Variants in ADAM12 observed in about 807,000 individuals in gnomAD.
ADAM12 encodes the protein disintegrin and metalloproteinase domain-containing protein 12.
Under a neutral mutation model 106.4 loss-of-function variants are expected in ADAM12, and 70 were observed. The observed-to-expected ratio is 0.66, with a 90% CI of 0.54 to 0.80. The LOEUF (loss-of-function observed/expected upper bound fraction) is 0.80. Among genes scored for constraint, ADAM12 ranks in the 30% least tolerant of loss-of-function variants. ADAM12 has a pLI of 0.00. For missense variants in ADAM12, 1,010 were observed against 1,171.9 expected, an observed-to-expected ratio of 0.86 and a Z score of 2.02; for synonymous variants, 420 against 433.5, an observed-to-expected ratio of 0.97 and a Z score of 0.39.
chr10:126,249,440 C>T (rs1007997755), intron 3 of ADAM12, among the ~76,000 whole-genome samples: 1 of 152,250 alleles, frequency 6.6e-6, no homozygotes, highest in Non-Finnish European at 1.5e-5. Flanking sequence ...TGGCTCATGC[C>T]TGTAATCCCA....
chr10:126,043,758 G>C lies in ADAM12; in HGVS notation c.1996-610C>G, dbSNP rs1425351977. On this transcript the variant is annotated intron_variant, in intron 17 of 22. Coordinates refer to ENST00000448723, the MANE Select transcript of ADAM12 (RefSeq NM_001288973.2). This position sits in a 1 kb window ranked among gnomAD's most constrained non-coding sequence, Gnocchi z 4.1. The stretch of plus-strand genomic sequence containing the variant: ...AAGCCTGTCCCCGTGTGTCCTTCCT[G>C]CAACGCCTGCCTCCTTCTTGCAGAG... Among the ~76,000 whole-genome samples the C allele has an allele frequency of 6.6e-6, 1 of 152,248 alleles. No homozygotes were observed. Among genetic ancestry groups the C allele is most frequent in the Non-Finnish European group, 1.5e-5 (1 of 68,044 alleles).
chr10:126,311,934 C>T (rs928979122), intron 2 of ADAM12, among the ~76,000 whole-genome samples: 2 of 152,010 alleles, frequency 1.3e-5, no homozygotes, highest in African/African-American at 4.8e-5. Context: ...GTCATGGGAC[C>T]CCTTCACTTG....
chr10:126,257,341 G>C (rs910379840), intron 3 of ADAM12, among the ~76,000 whole-genome samples: 1 of 152,196 alleles, frequency 6.6e-6, no homozygotes, highest in Admixed American at 6.5e-5. Context: ...TCTGTTCTGC[G>C]ATCAAAATGT....
intron 3 of ADAM12, among the ~76,000 whole-genome samples, chr10:126,206,861 G>GGTT (rs1178274353): frequency 7.6e-6 from 1 of 130,896 alleles, no homozygotes; most frequent in Non-Finnish European, 1.5e-5. Flanking sequence ...TTGTGGGGGC[G>GGTT]GGGGGGAGCC....
intron 7 of ADAM12, 74 bp from the exon 8 acceptor site, chr10:126,108,738 A>G: frequency 7.2e-7 from 1 of 1,385,972 alleles, no homozygotes; most frequent in South Asian, 1.2e-5. Flanking sequence ...GCTTCTGGAA[A>G]TGTGAAGTCT....
chr10:126,131,104 C>CTTTTTTTTT lies in ADAM12; in HGVS notation c.416+4471_416+4479dup, dbSNP rs71029289. On this transcript the variant is annotated intron_variant, in intron 5 of 22. Coordinates refer to ENST00000448723, the MANE Select transcript of ADAM12 (RefSeq NM_001288973.2). ...AGTGTCCCTGGCTCTCAGCTGTCTTCTTTTTTTTTTTTTTTTTTTTTTTTT... is the reference window on the plus strand; with the variant it reads ...AGTGTCCCTGGCTCTCAGCTGTCTTCTTTTTTTTTTTTTTTTTTTTTTTTTTTTTTTTTT... Among the ~76,000 whole-genome samples the CTTTTTTTTT allele has an allele frequency of 8.7e-4, 88 of 100,912 alleles. 4 individuals carry two copies. The highest frequency in any genetic ancestry group is 3.1e-3 in the African/African-American group (82 of 26,418). 66.2% of individuals were successfully genotyped at this position (100,912 alleles called of 152,430 possible). A position where few individuals can be genotyped will look rare whatever the true frequency, so the allele number is the denominator to read the frequency against.
Position 126,015,839 on chromosome 10 carries a change from AC to A in ADAM12, c.*1439del, listed in dbSNP as rs1184155446. On this transcript the variant is annotated 3_prime_UTR_variant, in exon 23 of 23. Coordinates refer to ENST00000448723, the MANE Select transcript of ADAM12 (RefSeq NM_001288973.2). Reference sequence around the variant, plus strand: ...GAAGACAGAGGCATCATGGCATTTTACCTTATCTGAGTATTTTTGTATTTCT... The same window carrying A: ...GAAGACAGAGGCATCATGGCATTTTACTTATCTGAGTATTTTTGTATTTCT... The A allele has an allele frequency of 6.6e-6, 1 of 152,194 alleles. No individual in the cohort carries two copies. The highest frequency in any genetic ancestry group is 1.5e-5 in the Non-Finnish European group (1 of 68,042). 9.4% of individuals were successfully genotyped at this position (152,194 alleles called of 1,614,324 possible).
chr10:126,082,370 T>G (rs978346746), intron 11 of ADAM12, among the ~76,000 whole-genome samples: 24 of 142,992 alleles, frequency 1.7e-4, no homozygotes, highest in Admixed American at 3.5e-4. Context: ...ACTGTTTTTT[T>G]TTTTTTTTTT....
intron 3 of ADAM12, among the ~76,000 whole-genome samples, chr10:126,164,273 C>T (rs1199374675): frequency 6.6e-6 from 1 of 152,180 alleles, no homozygotes; most frequent in Non-Finnish European, 1.5e-5. Context: ...TGTCACAAGA[C>T]AGTTCTTGTT....
Position 126,134,219 on chromosome 10 carries a change from TA to T in ADAM12, c.416+1364del, listed in dbSNP as rs143773740. On this transcript the variant is annotated intron_variant, in intron 5 of 22. Transcript: ENST00000448723. Reference sequence around the variant, plus strand: ...CATAAATAGGACATAAAAATGCTTTTAAAAAAATGCAGGTATGCAGAAATGT... The same window carrying T: ...CATAAATAGGACATAAAAATGCTTTTAAAAAATGCAGGTATGCAGAAATGT... Among the ~76,000 whole-genome samples, 294 of 152,292 alleles carry T rather than the reference TA, an allele frequency of 1.9e-3. 2 individuals are homozygous for T. In the East Asian group the frequency reaches 0.035, roughly 18 times the overall value.
At chr10:126,339,098 C>T (rs1260342683) in intron 1 of ADAM12, among the ~76,000 whole-genome samples, 1 of 152,146 alleles carries the variant, frequency 6.6e-6, no homozygotes, top group Non-Finnish European at 1.5e-5. Context: ...TTGCCTCCTC[C>T]ACTTGAACAT....
Position 126,098,426 on chromosome 10 carries a change from C to T in ADAM12, c.986G>A (p.Gly329Glu), listed in dbSNP as rs375182638. The change falls in exon 10 of 23, where the codon GGA becomes GAA. Residue 329 changes from glycine (G) to glutamate (E), a missense_variant. Around this residue, in one of 3 missense-constraint regions of ADAM12, gnomAD observed 391 missense variants for 442.9 expected, o/e 0.88. Transcript: ENST00000448723. ...ATGCCCTTGGCTTACCATGACAATT[C>T]CCCCAGACTGGTCTGCCGTGCACAT... ...MSMCTADQSG[G>E]IVMDHSDNPL... 3.1e-6 allele frequency: 5 copies of T among 1,613,896 alleles called. No homozygotes were observed. The highest frequency in any genetic ancestry group is 2.5e-6 in the Non-Finnish European group (3 of 1,179,824).
At chr10:126,334,851 C>T (rs973596781) in intron 1 of ADAM12, among the ~76,000 whole-genome samples, 2 of 152,160 alleles carry the variant, frequency 1.3e-5, no homozygotes, top group African/African-American at 4.8e-5. Context: ...CTAAGACATA[C>T]ACAGTGAAGA....
intron 11 of ADAM12, among the ~76,000 whole-genome samples, chr10:126,078,640 T>C (rs1955149703): frequency 6.6e-6 from 1 of 152,220 alleles, no homozygotes; most frequent in Admixed American, 6.5e-5. Context: ...TAACTATTTA[T>C]GGAGTACCTG....
At chr10:126,339,847 CT>C (rs146232567) in intron 1 of ADAM12, among the ~76,000 whole-genome samples, 2,424 of 75,702 alleles carry the variant, frequency 0.032, 22 homozygotes, top group African/African-American at 0.1. Flanking sequence ...CATTCTAGGG[CT>C]TTTTTTTTTT....
At chr10:126,309,514 A>G (rs1474805342) in intron 2 of ADAM12, among the ~76,000 whole-genome samples, 1 of 152,230 alleles carries the variant, frequency 6.6e-6, no homozygotes, top group East Asian at 1.9e-4. Context: ...TTTATTAAGT[A>G]ATTCTTACTA....
chr10:126,276,760 T>C (rs972268235), intron 3 of ADAM12, among the ~76,000 whole-genome samples: 2 of 152,222 alleles, frequency 1.3e-5, no homozygotes, highest in African/African-American at 2.4e-5. Context: ...ATTAAAAAGA[T>C]AGTTTTGTTT....
At chr10:126,219,311 C>T (rs1405381621) in intron 3 of ADAM12, among the ~76,000 whole-genome samples, 3 of 152,168 alleles carry the variant, frequency 2.0e-5, no homozygotes, top group Non-Finnish European at 2.9e-5. Context: ...TGACCTGCTT[C>T]GGGAGGCTCT....
At position 126,138,509 on chromosome 10, in the gene ADAM12, G is replaced by T. The variant is rs140742867; in HGVS notation, c.340-2849C>A. Among the ~76,000 whole-genome samples the T allele has an allele frequency of 8.5e-5, 13 of 152,198 alleles. No homozygotes were observed. The East Asian group carries it at 2.5e-3, about 29-fold the overall frequency. On this transcript the variant is annotated intron_variant, in intron 4 of 22. Transcript: ENST00000448723. ...CCTGCCTCAGCCACTGGAGTAACTG[G>T]GATTACAGGCACATGCCATCACACC... is the stretch of plus-strand genomic sequence containing the variant.
Sources: allele counts gnomAD v4.1 joint callset (sites outside exome capture counted in the v4.1 genomes callset), GRCh38; gene constraint gnomAD v4.1.1; regional missense constraint gnomAD v4.1.1; non-coding constraint Gnocchi (gnomAD v3.1); transcripts MANE v1.5; gene names NCBI Gene and HGNC (gene_info 2026-07-23, HGNC 2026-07-21).